GLI2: variants seen among roughly 807,000 people sequenced by gnomAD.
The protein encoded by GLI2 is transcription activator GLI2.
Under a neutral mutation model 78.9 loss-of-function variants are expected in GLI2, and 22 were observed. The ratio of observed to expected loss-of-function variants is 0.28; its 90% CI spans 0.20 to 0.40. GLI2 has a LOEUF of 0.40. Ranked by LOEUF, GLI2 falls within the 10% of genes least tolerant of loss-of-function variation. The pLI is 1.00. For missense variants in GLI2, 2,097 were observed against 2,213.2 expected (o/e 0.95, Z 1.05); for synonymous variants, 974 against 963.7 (o/e 1.01, Z -0.20).
At chr2:120,932,317 G>A (rs957210896) in intron 3 of GLI2, among the ~76,000 whole-genome samples, 17 of 152,078 alleles carry the variant, frequency 1.1e-4, no homozygotes, top group African/African-American at 3.4e-4. Context: ...GGGTGTGCCC[G>A]CCCCTCAGCC....
At chr2:120,807,821 C>T (rs1685031936) in intron 2 of GLI2, among the ~76,000 whole-genome samples, 1 of 152,144 alleles carries the variant, frequency 6.6e-6, no homozygotes, top group South Asian at 2.1e-4. Flanking sequence ...TCAGCCAGGC[C>T]CTGTGTGCAC....
intron 2 of GLI2, among the ~76,000 whole-genome samples, chr2:120,907,554 G>A (rs1373058869): frequency 6.6e-6 from 1 of 152,192 alleles, no homozygotes; most frequent in African/African-American, 2.4e-5. Context: ...GCCGGGCTGT[G>A]TAATGGGAAA....
chr2:120,758,256 A>G (rs941052386), intron 1 of GLI2, among the ~76,000 whole-genome samples: 2 of 152,218 alleles, frequency 1.3e-5, no homozygotes, highest in African/African-American at 4.8e-5. Context: ...ACCACACACA[A>G]TCTCAGCAGC....
At chr2:120,841,978 G>C (rs1169947668) in intron 2 of GLI2, among the ~76,000 whole-genome samples, 1 of 143,648 alleles carries the variant, frequency 7.0e-6, no homozygotes, top group Non-Finnish European at 1.5e-5. Context: ...TTGGCTTTTG[G>C]TAAGTTTTTT....
At chr2:120,960,738 G>A (rs1156282206) in intron 5 of GLI2, among the ~76,000 whole-genome samples, 4 of 152,184 alleles carry the variant, frequency 2.6e-5, no homozygotes, top group African/African-American at 4.8e-5. Flanking sequence ...AGGCCTCTAC[G>A]GGGCTCTTGT....
intron 1 of GLI2, among the ~76,000 whole-genome samples, chr2:120,770,851 C>G (rs1366032095): frequency 6.6e-6 from 1 of 152,164 alleles, no homozygotes; most frequent in Non-Finnish European, 1.5e-5. Context: ...ACCCTCCAGG[C>G]TGCTGGGACC....
intron 2 of GLI2, among the ~76,000 whole-genome samples, chr2:120,881,838 A>G (rs1573531863): frequency 8.4e-5 from 8 of 94,772 alleles, no homozygotes; most frequent in South Asian, 4.9e-4. Context: ...GTAGAGGGCA[A>G]GACAGGTGGG....
At chr2:120,842,058 CAAAA>C (rs571517244) in intron 2 of GLI2, among the ~76,000 whole-genome samples, 806 of 74,520 alleles carry the variant, frequency 0.011, 7 homozygotes, top group African/African-American at 0.03. Context: ...TTTGTCAACT[CAAAA>C]AAAAAAAAAA....
At position 120,991,130 on chromosome 2, in the gene GLI2, A is replaced by G. The variant is rs1683281058; in HGVS notation, c.*455A>G. 1 of 162,570 alleles carries G rather than the reference A, an allele frequency of 6.2e-6. No individual in the cohort carries two copies. The highest frequency in any genetic ancestry group is 1.4e-5 in the Non-Finnish European group (1 of 73,758). The allele number at this position is 162,570 out of a possible 1,614,324, so 10.1% of individuals were successfully genotyped here. A position where few individuals can be genotyped will look rare whatever the true frequency, so the allele number is the denominator to read the frequency against. On this transcript the variant is annotated 3_prime_UTR_variant, in exon 14 of 14. Transcript: ENST00000361492. ...GCTTTTTATTCTACTACTTGGAAGG[A>G]AAAGGAATTCCTGGTCCACCTGAAT...
intron 1 of GLI2, among the ~76,000 whole-genome samples, chr2:120,751,401 C>A (rs1682870597): frequency 6.6e-6 from 1 of 151,952 alleles, no homozygotes; most frequent in Non-Finnish European, 1.5e-5. Flanking sequence ...GCATCTCGTA[C>A]TTTTTACTTA....
At chr2:120,762,212 C>T (rs1683236380) in intron 1 of GLI2, among the ~76,000 whole-genome samples, 1 of 152,150 alleles carries the variant, frequency 6.6e-6, no homozygotes, top group Admixed American at 6.5e-5. Context: ...GGGTCCCTGG[C>T]TCTGGGGGAT....
At chr2:120,810,406 G>C (rs1274425135) in intron 2 of GLI2, among the ~76,000 whole-genome samples, 1 of 152,202 alleles carries the variant, frequency 6.6e-6, no homozygotes, top group Non-Finnish European at 1.5e-5. Flanking sequence ...GGCTGGGGCT[G>C]TCTGGCACAC....
At position 120,990,736 on chromosome 2, in the gene GLI2, AT is replaced by A. The variant is rs1405810368; in HGVS notation, c.*63del. On this transcript the variant is annotated 3_prime_UTR_variant, in exon 14 of 14. Coordinates refer to ENST00000361492, the MANE Select transcript of GLI2 (RefSeq NM_001374353.1). Reference sequence around the variant, plus strand: ...GGTCATCGCTGCCCAGAGCCTGGGGATTCCAGCTGTCTTGTCTTTTTCCAAA... The same window carrying A: ...GGTCATCGCTGCCCAGAGCCTGGGGATCCAGCTGTCTTGTCTTTTTCCAAA... 1 of 1,406,522 alleles carries A rather than the reference AT, an allele frequency of 7.1e-7. No individual in the cohort carries two copies. Among genetic ancestry groups the A allele is most frequent in the Non-Finnish European group, 9.8e-7 (1 of 1,021,104 alleles). 87.1% of individuals were successfully genotyped at this position (1,406,522 alleles called of 1,614,324 possible). A position where few individuals can be genotyped will look rare whatever the true frequency, so the allele number is the denominator to read the frequency against.
chr2:120,931,375 C>T (rs902906373), intron 3 of GLI2, among the ~76,000 whole-genome samples: 1 of 152,236 alleles, frequency 6.6e-6, no homozygotes, highest in African/African-American at 2.4e-5. Flanking sequence ...CTTCTAAGGA[C>T]ACCTGCTATT....
intron 4 of GLI2, chr2:120,951,660 A>G (rs1681000179): frequency 1.8e-6 from 1 of 553,152 alleles, no homozygotes; most frequent in Admixed American, 3.4e-5. Context: ...CATGCAAACC[A>G]TATATGATCT....
At chr2:120,870,100 A>G (rs189667468) in intron 2 of GLI2, among the ~76,000 whole-genome samples, 1 of 152,340 alleles carries the variant, frequency 6.6e-6, no homozygotes, top group East Asian at 1.9e-4. Flanking sequence ...TATCAAGGCC[A>G]TGCCCAGGTC....
At chr2:120,970,964 A>G (rs1401396471) in intron 7 of GLI2, among the ~76,000 whole-genome samples, 1 of 152,240 alleles carries the variant, frequency 6.6e-6, no homozygotes, top group East Asian at 1.9e-4. Flanking sequence ...GTGCATTTGC[A>G]GCAGGCTTTC....
chr2:120,797,485 A>T lies in GLI2; in HGVS notation c.148+17A>T. ...CCCAAGGAGGTACTTTCTGTTTCGC[A>T]CACTTGGAGGGCAGCAGGGGTGTTT... On this transcript the variant is annotated intron_variant, in intron 2 of 13. Coordinates refer to ENST00000361492, the MANE Select transcript of GLI2 (RefSeq NM_001374353.1). The T allele has an allele frequency of 6.2e-7, 1 of 1,611,380 alleles. No individual in the cohort carries two copies. The highest frequency in any genetic ancestry group is 2.2e-5 in the East Asian group (1 of 44,854).
chr2:120,801,582 G>A (rs1558803763), intron 2 of GLI2, among the ~76,000 whole-genome samples: 1 of 152,224 alleles, frequency 6.6e-6, no homozygotes, highest in Non-Finnish European at 1.5e-5. Flanking sequence ...TTACAGGGTG[G>A]GAACATGCTT....
Sources: gnomAD v4.1 joint callset for allele counts (sites outside exome capture counted in the v4.1 genomes callset) on GRCh38, gnomAD v4.1.1 for gene constraint, MANE v1.5 for transcripts, NCBI Gene and HGNC (gene_info 2026-07-23, HGNC 2026-07-21) for gene names.